The following CPEB2 variants were observed in gnomAD, a reference collection of about 807,000 sequenced individuals.
The protein encoded by CPEB2 is cytoplasmic polyadenylation element binding protein 2, also known as cytoplasmic polyadenylation element-binding protein 2.
A neutral mutation model predicts 93.6 loss-of-function variants in CPEB2; 56 were observed. The observed-to-expected ratio is 0.60, with a 90% CI of 0.48 to 0.75. The LOEUF is 0.75. Ranked by LOEUF, CPEB2 falls within the 30% of genes least tolerant of loss-of-function variation. The pLI, the probability that CPEB2 is intolerant of heterozygous loss-of-function variation, is 0.00. For missense variants in CPEB2, 1,579 were observed against 1,395.1 expected, an observed-to-expected ratio of 1.13 and a Z score of -2.10; for synonymous variants, 764 against 586.3, an observed-to-expected ratio of 1.30 and a Z score of -4.38.
At chr4:15,057,686 G>A (rs951836974) in intron 8 of CPEB2, among the ~76,000 whole-genome samples, 13 of 152,166 alleles carry the variant, frequency 8.5e-5, no homozygotes, top group Admixed American at 8.5e-4. Context: ...ACAATTGGTT[G>A]TTTACAAGTC....
At position 15,002,951 on chromosome 4, in the gene CPEB2, T is replaced by C. The variant is rs935454200; in HGVS notation, c.278T>C (p.Met93Thr). The C allele has an allele frequency of 1.8e-5, 27 of 1,507,752 alleles. No individual in the cohort carries two copies. Among genetic ancestry groups the C allele is most frequent in the Non-Finnish European group, 2.2e-5 (25 of 1,137,012 alleles). 93.4% of individuals were successfully genotyped at this position (1,507,752 alleles called of 1,614,324 possible). A position where few individuals can be genotyped will look rare whatever the true frequency, so the allele number is the denominator to read the frequency against. ...SSPFLAHQQT[M>T]QDELLLGLTQ... The stretch of plus-strand genomic sequence containing the variant: ...CCGTTCCTGGCGCATCAGCAGACCA[T>C]GCAGGATGAGCTGCTTCTGGGGCTG... Residue 93 changes from methionine (M) to threonine (T), a missense_variant, in exon 1 of 12, where the codon ATG (methionine) becomes ACG (threonine). Transcript: ENST00000538197.
At chr4:15,026,329 C>T (rs774565868) in intron 4 of CPEB2, among the ~76,000 whole-genome samples, 5 of 151,758 alleles carry the variant, frequency 3.3e-5, no homozygotes, top group South Asian at 2.1e-4. Flanking sequence ...TGGGTTCAAG[C>T]GATTGTCCTG....
rs765638810 is a variant in CPEB2, at chr4:15,003,536, C to T, written c.863C>T (p.Ala288Val). The T allele has an allele frequency of 5.9e-4, 855 of 1,449,408 alleles. No homozygotes were observed. The highest frequency in any genetic ancestry group is 7.4e-4 in the Non-Finnish European group (816 of 1,103,034). The allele number at this position is 1,449,408 out of a possible 1,614,324, so 89.8% of individuals were successfully genotyped here. Reference protein sequence around the residue: ...GAGSPRKTPAAGEGSAAESPN... With the variant: ...GAGSPRKTPAVGEGSAAESPN... ...GGCAGCCCTCGCAAGACCCCAGCCGCGGGCGAGGGCAGCGCCGCCGAGTCC... is the reference window on the plus strand; with the variant it reads ...GGCAGCCCTCGCAAGACCCCAGCCGTGGGCGAGGGCAGCGCCGCCGAGTCC... The change falls in exon 1 of 12, where the codon GCG (alanine) becomes GTG (valine). Residue 288 changes from alanine to valine, a missense_variant. Ala to Val is a moderately conservative substitution (Grantham distance 64). This residue lies in a region of CPEB2 where 1,411 missense variants were observed against 1,056.0 expected (regional missense o/e 1.34). Coordinates refer to ENST00000538197, the MANE Select transcript of CPEB2 (RefSeq NM_001177382.2).
chr4:15,012,225 T>C (rs1723588782), intron 3 of CPEB2, among the ~76,000 whole-genome samples: 1 of 152,228 alleles, frequency 6.6e-6, no homozygotes, highest in African/African-American at 2.4e-5. Flanking sequence ...GCTTAAGTAA[T>C]GGATGCCTTC....
chr4:15,013,070 C>T (rs1360745069), intron 3 of CPEB2, among the ~76,000 whole-genome samples: 1 of 151,642 alleles, frequency 6.6e-6, no homozygotes, highest in Non-Finnish European at 1.5e-5. Flanking sequence ...CTTAGGTTAT[C>T]TTTTTTCAAG....
chr4:15,018,479 G>C (rs953733818), intron 4 of CPEB2, among the ~76,000 whole-genome samples: 1 of 150,306 alleles, frequency 6.7e-6, no homozygotes, highest in Non-Finnish European at 1.5e-5. Flanking sequence ...ATGTTTGTTT[G>C]AGTTTCTTTT....
intron 4 of CPEB2, among the ~76,000 whole-genome samples, chr4:15,032,593 G>T (rs900796469): frequency 3.3e-5 from 5 of 151,814 alleles, no homozygotes; most frequent in Admixed American, 6.6e-5. Flanking sequence ...TATAAACTTT[G>T]AAGAAGTTAA....
At chr4:15,056,411 G>T (rs965301871) in intron 8 of CPEB2, among the ~76,000 whole-genome samples, 33 of 152,202 alleles carry the variant, frequency 2.2e-4, no homozygotes, top group African/African-American at 8.0e-4. Context: ...AGCCTAGAAA[G>T]ATGGGATGGA....
chr4:15,042,144 T>C (rs1240252309), intron 6 of CPEB2, among the ~76,000 whole-genome samples: 3 of 152,342 alleles, frequency 2.0e-5, no homozygotes, highest in Non-Finnish European at 2.9e-5. Context: ...TTTGAAACTA[T>C]AGAGCAATTC....
intron 8 of CPEB2, 61 bp from the exon 9 acceptor site, chr4:15,058,360 T>G: frequency 1.1e-6 from 1 of 910,306 alleles, no homozygotes. Flanking sequence ...TAAATAGTAC[T>G]GAAATTTGGA....
At chr4:15,051,290 T>C (rs1361647599) in intron 6 of CPEB2, among the ~76,000 whole-genome samples, 1 of 152,210 alleles carries the variant, frequency 6.6e-6, no homozygotes, top group Non-Finnish European at 1.5e-5. Context: ...ACCTACTAAA[T>C]GTCTCGTTAG....
intron 10 of CPEB2, among the ~76,000 whole-genome samples, chr4:15,061,335 C>G (rs1231678402): frequency 6.6e-6 from 1 of 152,010 alleles, no homozygotes; most frequent in Non-Finnish European, 1.5e-5. Flanking sequence ...TTAGGATGAA[C>G]TATCAAGGAA....
chr4:15,061,196 G>A (rs939140488), intron 10 of CPEB2, among the ~76,000 whole-genome samples: 4 of 152,110 alleles, frequency 2.6e-5, no homozygotes, highest in Non-Finnish European at 2.9e-5. Flanking sequence ...AGATAAAAAT[G>A]TAGGAGCTTA....
intron 6 of CPEB2, among the ~76,000 whole-genome samples, chr4:15,051,927 A>G (rs1226304023): frequency 6.6e-6 from 1 of 152,208 alleles, no homozygotes; most frequent in Non-Finnish European, 1.5e-5. Flanking sequence ...TGTAATTGGC[A>G]CACGTGTAAT....
At chr4:15,008,313 G>A (rs942922227) in intron 2 of CPEB2, 25 bp from the exon 3 acceptor site, 1 of 1,570,232 alleles carries the variant, frequency 6.4e-7, no homozygotes, top group African/African-American at 1.4e-5. Context: ...GCTCATTTCT[G>A]ATGAAAACTT....
rs1722357418 is a variant in CPEB2 at position 15,003,762 on chromosome 4, A to G, written c.1089A>G (p.Gly363=). 6 of 1,061,178 alleles carry G rather than the reference A, an allele frequency of 5.7e-6. No homozygotes were observed. The highest frequency in any genetic ancestry group is 4.0e-4 in the Middle Eastern group (1 of 2,522). The allele number at this position is 1,061,178 out of a possible 1,614,324, so 65.7% of individuals were successfully genotyped here. Residue 363 remains glycine, a synonymous_variant, in exon 1 of 12, where the codon GGA becomes GGG. Transcript: ENST00000538197. ...GCGGCGGGGGCGGGGGGCCCCCAGGAGGCGGAGGGGGAGGCGGCTCCGCGT... is the reference window on the plus strand; with the variant it reads ...GCGGCGGGGGCGGGGGGCCCCCAGGGGGCGGAGGGGGAGGCGGCTCCGCGT... ...GGGGGGGGPP[G]GGGGGGSASP...
chr4:15,015,532 G>A (rs1236397377), intron 3 of CPEB2, among the ~76,000 whole-genome samples: 1 of 151,924 alleles, frequency 6.6e-6, no homozygotes, highest in Non-Finnish European at 1.5e-5. Context: ...CTTTAAAAAG[G>A]CTACAACCCT....
At chr4:15,050,108 G>C (rs548764494) in intron 6 of CPEB2, among the ~76,000 whole-genome samples, 1 of 152,160 alleles carries the variant, frequency 6.6e-6, no homozygotes, top group Non-Finnish European at 1.5e-5. Context: ...ACCGATACTG[G>C]TCCATGGTCT....
chr4:15,037,490 A>G (rs562563784), intron 5 of CPEB2, among the ~76,000 whole-genome samples: 25 of 152,176 alleles, frequency 1.6e-4, no homozygotes, highest in Admixed American at 3.9e-4. Context: ...AGTTACCACA[A>G]CTGTAGCTGA....
Sources: gnomAD v4.1 joint callset for allele counts (sites outside exome capture counted in the v4.1 genomes callset) on GRCh38, gnomAD v4.1.1 for gene constraint, gnomAD v4.1.1 regional missense constraint, MANE v1.5 for transcripts, NCBI Gene and HGNC (gene_info 2026-07-23, HGNC 2026-07-21) for gene names.